TEAD4: variants seen among roughly 807,000 people sequenced by gnomAD.
TEAD4 encodes transcriptional enhancer factor TEF-3.
Under a neutral mutation model 52.4 loss-of-function variants are expected in TEAD4, and 36 were observed. The ratio of observed to expected loss-of-function variants is 0.69; its 90% CI spans 0.53 to 0.91. The LOEUF is 0.91. Ranked by LOEUF, TEAD4 falls within the 40% of genes least tolerant of loss-of-function variation. TEAD4 has a pLI of 0.00. For missense variants in TEAD4, 508 were observed against 583.9 expected (o/e 0.87, Z 1.34); for synonymous variants, 220 against 231.0 (o/e 0.95, Z 0.43).
At chr12:3,027,121 A>T (rs2098272581) in intron 10 of TEAD4, among the ~76,000 whole-genome samples, 1 of 151,974 alleles carries the variant, frequency 6.6e-6, no homozygotes, top group Non-Finnish European at 1.5e-5. Flanking sequence ...CCTCCCAAGT[A>T]GCTGGGATTA....
Position 3,038,027 on chromosome 12 carries a change from G to A in TEAD4, c.957G>A (p.Gln319=), listed in dbSNP as rs1356497282. The change falls in exon 11 of 13, where the codon CAG becomes CAA. Residue 319 remains glutamine, a synonymous_variant. Transcript: ENST00000359864. ...GCTCCTTCTATGGGGTCTCCAGCCA[G>A]TATGAGAGCCCCGAGAACATGATCA... is the stretch of plus-strand genomic sequence containing the variant. The A allele has an allele frequency of 6.2e-7, 1 of 1,614,186 alleles. No homozygotes were observed. The highest frequency in any genetic ancestry group is 8.5e-7 in the Non-Finnish European group (1 of 1,180,026).
rs1044811770 is a variant in TEAD4, at chr12:3,020,489, C to T, written c.584-145C>T. The T allele has an allele frequency of 1.0e-4, 109 of 1,054,210 alleles. No individual in the cohort carries two copies. The Middle Eastern group carries it at 1.4e-3, about 13-fold the overall frequency. The allele number at this position is 1,054,210 out of a possible 1,614,324, so 65.3% of individuals were successfully genotyped here. A position where few individuals can be genotyped will look rare whatever the true frequency, so the allele number is the denominator to read the frequency against. The stretch of plus-strand genomic sequence containing the variant: ...CCCAAGCCTGGCACTCCCTCCACCA[C>T]CTCTGCTAGGAGGTCCATTTAGGGA... On this transcript the variant is annotated intron_variant, in intron 8 of 12. Transcript: ENST00000359864.
intron 2 of TEAD4, among the ~76,000 whole-genome samples, chr12:2,976,829 G>T (rs556134335): frequency 1.3e-5 from 2 of 152,264 alleles, no homozygotes; most frequent in South Asian, 4.1e-4. Flanking sequence ...CTTGGGTTGG[G>T]CCTGGGCTGG....
At chr12:3,029,440 G>C (rs2098274124) in intron 10 of TEAD4, among the ~76,000 whole-genome samples, 1 of 151,992 alleles carries the variant, frequency 6.6e-6, no homozygotes, top group Non-Finnish European at 1.5e-5. Context: ...GGGTTTCACT[G>C]TGTTAGCCAG....
At chr12:2,977,317 C>G (rs977049372) in intron 2 of TEAD4, among the ~76,000 whole-genome samples, 1 of 152,188 alleles carries the variant, frequency 6.6e-6, no homozygotes, top group Admixed American at 6.5e-5. Flanking sequence ...TCTCCCCTTC[C>G]TGCTCTCTCT....
chr12:3,033,136 G>T, intron 10 of TEAD4, among the ~76,000 whole-genome samples: 1 of 152,200 alleles, frequency 6.6e-6, no homozygotes, highest in Admixed American at 6.5e-5. Flanking sequence ...GAGGCAATCA[G>T]AACCCCCTTG....
At chr12:2,976,969 G>T (rs972105090) in intron 2 of TEAD4, among the ~76,000 whole-genome samples, 2 of 152,154 alleles carry the variant, frequency 1.3e-5, no homozygotes, top group African/African-American at 2.4e-5. Context: ...CCTCTTGCTA[G>T]CCTGCAGGCC....
intron 10 of TEAD4, among the ~76,000 whole-genome samples, chr12:3,024,165 C>G (rs1252887172): frequency 6.6e-6 from 1 of 151,914 alleles, no homozygotes; most frequent in Non-Finnish European, 1.5e-5. Context: ...AGCTCCGCCT[C>G]CCGGGTTCAC....
In TEAD4 at chr12:3,020,783, G is replaced by C; in HGVS notation, c.723+10G>C. ...GCAGGACCCGGACACGGTAGGTCCT[G>C]GCCTCTGCCTGTCCAGCTCCCTGGT... On this transcript the variant is annotated intron_variant, in intron 9 of 12. Coordinates refer to ENST00000359864, the MANE Select transcript of TEAD4 (RefSeq NM_003213.4). The C allele has an allele frequency of 6.3e-7, 1 of 1,574,828 alleles. No individual in the cohort carries two copies. Among genetic ancestry groups the C allele is most frequent in the South Asian group, 1.2e-5 (1 of 85,232 alleles).
rs1040801341 is a variant in TEAD4 at position 2,975,809 on chromosome 12, C to T, written c.-30+15769C>T. 6.6e-5 allele frequency among the ~76,000 whole-genome samples: 10 copies of T among 152,264 alleles called. No homozygotes were observed. The East Asian group carries it at 1.5e-3, about 23-fold the overall frequency. On this transcript the variant is annotated intron_variant, in intron 2 of 12. Coordinates refer to ENST00000359864, the MANE Select transcript of TEAD4 (RefSeq NM_003213.4). ...ACAGTATCATGCAGAATAGCATCAC[C>T]GTTCCCCAAATCCTCCAGGTTCCGT...
At chr12:2,983,177 T>G (rs1473795301) in intron 2 of TEAD4, among the ~76,000 whole-genome samples, 1 of 152,164 alleles carries the variant, frequency 6.6e-6, no homozygotes, top group African/African-American at 2.4e-5. Flanking sequence ...ATTAATTAAT[T>G]AAGTATTAAT....
chr12:2,988,914 G>A (rs924818201), intron 2 of TEAD4, among the ~76,000 whole-genome samples: 4 of 152,216 alleles, frequency 2.6e-5, no homozygotes, highest in Non-Finnish European at 5.9e-5. Flanking sequence ...TTCTCGAACC[G>A]TCCCACGTGC....
intron 10 of TEAD4, among the ~76,000 whole-genome samples, chr12:3,028,640 C>CT (rs904061573): frequency 2.3e-4 from 34 of 148,804 alleles, no homozygotes; most frequent in South Asian, 4.3e-4. Context: ...GTCCATTGCC[C>CT]TTTTTTTTTT....
chr12:3,040,517 G>A lies in TEAD4; in HGVS notation c.*39G>A. 1 of 1,587,864 alleles carries A rather than the reference G, an allele frequency of 6.3e-7. No individual in the cohort carries two copies. The highest frequency in any genetic ancestry group is 8.6e-7 in the Non-Finnish European group (1 of 1,158,832). On this transcript the variant is annotated 3_prime_UTR_variant, in exon 13 of 13. Coordinates refer to ENST00000359864, the MANE Select transcript of TEAD4 (RefSeq NM_003213.4). ...CAGGGAGGGGGGAAGAGACGTGTGT[G>A]CAGGAAACGGGGACGTGGGGAGGGG...
intron 2 of TEAD4, among the ~76,000 whole-genome samples, chr12:2,990,753 AC>A (rs560706842): frequency 1.2e-3 from 177 of 152,300 alleles, no homozygotes; most frequent in African/African-American, 4.1e-3. Context: ...GGCATGAGCC[AC>A]TTCGCCTGGC....
chr12:2,980,883 A>C (rs1414488320), intron 2 of TEAD4, among the ~76,000 whole-genome samples: 1 of 152,212 alleles, frequency 6.6e-6, no homozygotes, highest in East Asian at 1.9e-4. Context: ...AAAAAGCAGC[A>C]TCATGATGGG....
rs78551487 is a variant in TEAD4 at position 3,022,033 on chromosome 12, C to A, written c.897+16C>A. ...GAAGTTCTGGGTAAGCCTGTGATAACCCCTTCTTTCCTGCCACCAGCGTGT... is the reference window on the plus strand; with the variant it reads ...GAAGTTCTGGGTAAGCCTGTGATAAACCCTTCTTTCCTGCCACCAGCGTGT... On this transcript the variant is annotated intron_variant, in intron 10 of 12. Transcript: ENST00000359864. The A allele has an allele frequency of 0.02, 32,633 of 1,612,776 alleles. 1,413 individuals carry two copies. The highest frequency in any genetic ancestry group is 0.17 in the African/African-American group (13,017 of 74,978).
In TEAD4 at chr12:3,020,596, C is replaced by T. The variant is rs777522172; in HGVS notation, c.584-38C>T. 49 of 1,495,766 alleles carry T rather than the reference C, an allele frequency of 3.3e-5. No homozygotes were observed. The African/African-American group carries it at 3.4e-4, about 10-fold the overall frequency. The allele number at this position is 1,495,766 out of a possible 1,614,324, so 92.7% of individuals were successfully genotyped here. ...AGAGGGTGCGGGCAGGGCGGGTGTCCGTGACCAGGTTCCATGTGCCTTTCT... is the reference window on the plus strand; with the variant it reads ...AGAGGGTGCGGGCAGGGCGGGTGTCTGTGACCAGGTTCCATGTGCCTTTCT... On this transcript the variant is annotated intron_variant, in intron 8 of 12. Transcript: ENST00000359864.
chr12:2,971,593 A>G (rs2098225084), intron 2 of TEAD4, among the ~76,000 whole-genome samples: 1 of 149,436 alleles, frequency 6.7e-6, no homozygotes, highest in Non-Finnish European at 1.5e-5. Flanking sequence ...CTCCCGCCTC[A>G]GCCTCCTGAG....
Sources: allele counts gnomAD v4.1 joint callset (sites outside exome capture counted in the v4.1 genomes callset), GRCh38; gene constraint gnomAD v4.1.1; transcripts MANE v1.5; gene names NCBI Gene and HGNC (gene_info 2026-07-23, HGNC 2026-07-21).